ANXA11: variants seen among roughly 807,000 people sequenced by gnomAD.
The protein encoded by ANXA11 is annexin A11, also known as 56 kDa autoantigen.
Under a neutral mutation model 64.7 loss-of-function variants are expected in ANXA11, and 57 were observed. The observed-to-expected ratio is 0.88, with a 90% confidence interval of 0.71 to 1.10. ANXA11 has a LOEUF of 1.10. ANXA11 is among the 50% of genes least tolerant of loss of function. The pLI is 0.00. For missense variants in ANXA11, 675 were observed against 670.7 expected (o/e 1.01, Z -0.07); for synonymous variants, 260 against 265.2 (o/e 0.98, Z 0.19).
chr10:80,172,761 G>A (rs754088946), intron 3 of ANXA11, 46 bp downstream of exon 3: 8 of 1,585,532 alleles, frequency 5.0e-6, no homozygotes, highest in Admixed American at 1.7e-5. Flanking sequence ...CCCAGCCACT[G>A]TACAGAGGCA....
chr10:80,171,961 G>T (rs1845993026), intron 3 of ANXA11: 7 of 973,558 alleles, frequency 7.2e-6, no homozygotes, highest in Non-Finnish European at 8.5e-6. Flanking sequence ...CCACCTCTAG[G>T]TCTGAGTCTG....
At chr10:80,187,492 CA>C (rs543921221) in intron 1 of ANXA11, among the ~76,000 whole-genome samples, 25 of 152,208 alleles carry the variant, frequency 1.6e-4, no homozygotes, top group Non-Finnish European at 2.6e-4. Context: ...TTTATTACAG[CA>C]GCTTGAACGG....
In ANXA11 at chr10:80,170,892, C is replaced by G. The variant is rs777552996; in HGVS notation, c.79G>C (p.Ala27Pro). ...APGGGPWGGA[A>P]YPPPPSMPPI... ...GGCATGCTGGGCGGAGGAGGGTAGG[C>G]AGCACCTCCCCAGGGACCACCACCT... Residue 27 changes from alanine to proline, a missense_variant, in exon 4 of 16, where the codon GCC becomes CCC. Ala to Pro is a conservative substitution (Grantham distance 27). Coordinates refer to ENST00000422982, the MANE Select transcript of ANXA11 (RefSeq NM_145868.2). 1 of 1,578,516 alleles carries G rather than the reference C, an allele frequency of 6.3e-7. No homozygotes were observed. The highest frequency in any genetic ancestry group is 8.6e-7 in the Non-Finnish European group (1 of 1,163,144).
rs7091565 is a variant in ANXA11 at position 80,153,805 on chromosome 10, C to T, written c.*2048G>A. The T allele has an allele frequency of 0.48, 72,426 of 152,126 alleles. 17,431 individuals are homozygous for T. The highest frequency in any genetic ancestry group is 0.6 in the South Asian group (2,882 of 4,822). 9.4% of individuals were successfully genotyped at this position (152,126 alleles called of 1,614,324 possible). A position where few individuals can be genotyped will look rare whatever the true frequency, so the allele number is the denominator to read the frequency against. On this transcript the variant is annotated 3_prime_UTR_variant, in exon 16 of 16. Coordinates refer to ENST00000422982, the MANE Select transcript of ANXA11 (RefSeq NM_145868.2). Reference sequence around the variant, plus strand: ...CAGCTCATGGCTGCTCCACACCCTTCGGATGTCATTCTTCCTTTATGTTTA... The same window carrying T: ...CAGCTCATGGCTGCTCCACACCCTTTGGATGTCATTCTTCCTTTATGTTTA...
chr10:80,177,791 T>C (rs1445792741), intron 1 of ANXA11, among the ~76,000 whole-genome samples: 1 of 152,172 alleles, frequency 6.6e-6, no homozygotes, highest in Non-Finnish European at 1.5e-5. Flanking sequence ...CCTGTTTATC[T>C]GCCTAATTAC....
At chr10:80,172,670 C>T in intron 3 of ANXA11, 137 bp downstream of exon 3, 1 of 865,434 alleles carries the variant, frequency 1.2e-6, no homozygotes, top group Non-Finnish European at 1.9e-6. Flanking sequence ...CCCACTACTC[C>T]TGTTGTCCTC....
chr10:80,162,685 T>C (rs1845561408), intron 11 of ANXA11, among the ~76,000 whole-genome samples: 2 of 152,214 alleles, frequency 1.3e-5, no homozygotes, highest in South Asian at 2.1e-4. Context: ...ATCCCGCAGA[T>C]GGTAGAGATA....
At chr10:80,186,782 C>T (rs61860044) in intron 1 of ANXA11, among the ~76,000 whole-genome samples, 1 of 152,172 alleles carries the variant, frequency 6.6e-6, no homozygotes, top group African/African-American at 2.4e-5. Context: ...TTCCATACAA[C>T]GCAGACCGAG....
At chr10:80,161,705 C>T (rs556388211) in intron 12 of ANXA11, among the ~76,000 whole-genome samples, 76 of 152,366 alleles carry the variant, frequency 5.0e-4, no homozygotes, top group Non-Finnish European at 9.8e-4. Flanking sequence ...CACATTCCCA[C>T]GTACAAAGAC....
intron 1 of ANXA11, among the ~76,000 whole-genome samples, chr10:80,183,695 C>T (rs1339087507): frequency 6.6e-6 from 1 of 152,190 alleles, no homozygotes. Context: ...CCCAGTGGGC[C>T]CTGCCCTTGG....
intron 8 of ANXA11, 57 bp downstream of exon 8, chr10:80,166,027 T>TACACAC: frequency 1.0e-6 from 1 of 995,014 alleles, no homozygotes; most frequent in Non-Finnish European, 1.5e-6. Flanking sequence ...CATGCGCGCG[T>TACACAC]GCGCACACAC....
chr10:80,178,897 C>T (rs1478730109), intron 1 of ANXA11, among the ~76,000 whole-genome samples: 1 of 152,138 alleles, frequency 6.6e-6, no homozygotes, highest in African/African-American at 2.4e-5. Flanking sequence ...ATACATACCC[C>T]CCAGTCCCCA....
At position 80,169,299 on chromosome 10, in the gene ANXA11, G is replaced by T. The variant is rs757846283; in HGVS notation, c.231C>A (p.Ala77=). The change falls in exon 5 of 16, where the codon GCC becomes GCA. Residue 77 remains alanine, a synonymous_variant. Transcript: ENST00000422982. ...GCACTGGTGGGTAGCCAGCCCCAGG[G>T]GCCCCAGGGTACAGGTTGGGCATGT... ...GANMPNLYPG[A]PGAGYPPVPP... 2 of 1,611,076 alleles carry T rather than the reference G, an allele frequency of 1.2e-6. No individual in the cohort carries two copies. Among genetic ancestry groups the T allele is most frequent in the Non-Finnish European group, 1.7e-6 (2 of 1,179,800 alleles).
At chr10:80,194,928 T>C (rs1253875022) in intron 1 of ANXA11, among the ~76,000 whole-genome samples, 1 of 152,204 alleles carries the variant, frequency 6.6e-6, no homozygotes, top group East Asian at 1.9e-4. Context: ...TGCAGGAATC[T>C]GCATTTGTGA....
intron 7 of ANXA11, 85 bp downstream of exon 7, chr10:80,166,805 C>T: frequency 1.9e-6 from 2 of 1,057,148 alleles, no homozygotes; most frequent in Non-Finnish European, 2.8e-6. Flanking sequence ...AGATCCGGGC[C>T]CACCCAAGGA....
chr10:80,172,734 G>T, intron 3 of ANXA11, 73 bp downstream of exon 3: 1 of 1,451,182 alleles, frequency 6.9e-7, no homozygotes, highest in South Asian at 1.1e-5. Context: ...GGAAACTACT[G>T]TTCTCCCCTC....
chr10:80,171,340 G>A (rs925454498), intron 3 of ANXA11: 4 of 816,266 alleles, frequency 4.9e-6, no homozygotes, highest in Non-Finnish European at 6.0e-6. Flanking sequence ...CTGGCGGGAG[G>A]GGGTTTGGCT....
intron 12 of ANXA11, among the ~76,000 whole-genome samples, chr10:80,161,116 C>T (rs1048517939): frequency 6.6e-6 from 1 of 152,144 alleles, no homozygotes; most frequent in African/African-American, 2.4e-5. Flanking sequence ...CAGGGCCCTC[C>T]ACTGGCTTCC....
intron 4 of ANXA11, among the ~76,000 whole-genome samples, chr10:80,170,124 A>T (rs1237734792): frequency 6.6e-6 from 1 of 152,056 alleles, no homozygotes; most frequent in Non-Finnish European, 1.5e-5. Context: ...TTTCAATAAC[A>T]TCACATCGTT....
Sources: gnomAD v4.1 joint callset for allele counts (sites outside exome capture counted in the v4.1 genomes callset) on GRCh38, gnomAD v4.1.1 for gene constraint, MANE v1.5 for transcripts, NCBI Gene and HGNC (gene_info 2026-07-23, HGNC 2026-07-21) for gene names.